INHBA: variants seen among roughly 807,000 people sequenced by gnomAD.
The protein encoded by INHBA is inhibin subunit beta A.
A neutral mutation model predicts 29.0 loss-of-function variants in INHBA; 1 was observed. The observed-to-expected ratio is 0.03, with a 90% CI of 0.01 to 0.16. INHBA has a LOEUF of 0.16. Ranked by LOEUF, INHBA falls within the 10% of genes least tolerant of loss-of-function variation. The pLI is 1.00. For synonymous variants in INHBA, 242 were observed against 216.8 expected, an observed-to-expected ratio of 1.12 and a Z score of -1.02; for missense variants, 376 against 545.4, an observed-to-expected ratio of 0.69 and a Z score of 3.09.
Position 41,689,845 on chromosome 7 carries a change from G to A in INHBA, c.1086C>T (p.Ser362=), listed in dbSNP as rs149823614. ...GECPSHIAGT[S]GSSLSFHSTV... is the part of the protein sequence containing the mutation. ...TTGAGTGGAAGGACAGTGAGGACCCGGACGTGCCTGCTATATGGCTCGGGC... is the reference window on the plus strand; with the variant it reads ...TTGAGTGGAAGGACAGTGAGGACCCAGACGTGCCTGCTATATGGCTCGGGC... Residue 362 remains serine, a synonymous_variant, in exon 3 of 3, where the codon TCC becomes TCT. Coordinates refer to ENST00000242208, the MANE Select transcript of INHBA (RefSeq NM_002192.4). 788 of 1,614,092 alleles carry A rather than the reference G, an allele frequency of 4.9e-4. 8 individuals are homozygous for A. In the African/African-American group the frequency reaches 8.1e-3, roughly 17 times the overall value.
chr7:41,704,441 C>T (rs925133096), upstream of INHBA, among the ~76,000 whole-genome samples: 21 of 152,134 alleles, frequency 1.4e-4, no homozygotes, highest in Non-Finnish European at 2.9e-4. Context: ...TCCAAACCTG[C>T]CCCTCAGCTT....
intron 2 of INHBA, among the ~76,000 whole-genome samples, chr7:41,698,914 A>T (rs752258819): frequency 1.3e-5 from 2 of 152,232 alleles, no homozygotes; most frequent in African/African-American, 2.4e-5. Context: ...CTACCAAACA[A>T]AACAATGGCA....
upstream of INHBA, among the ~76,000 whole-genome samples, chr7:41,704,768 G>T (rs1794876522): frequency 6.6e-6 from 1 of 151,962 alleles, no homozygotes; most frequent in Admixed American, 6.6e-5. Context: ...CTATAAAATG[G>T]GATCCATGAT....
Position 41,700,129 on chromosome 7 carries a change from C to A in INHBA, c.246G>T (p.Ala82=), listed in dbSNP as rs772394193. The A allele has an allele frequency of 4.3e-6, 7 of 1,614,008 alleles. No individual in the cohort carries two copies. The highest frequency in any genetic ancestry group is 1.6e-4 in the Middle Eastern group (1 of 6,084). ...GAAGCTTTCTGATCGCGTTCAGAAG[C>A]GCCGCCTTGGGTACCGGCTGGGTGA... ...PDVTQPVPKA[A]LLNAIRKLHV... The change falls in exon 2 of 3, where the codon GCG becomes GCT. Residue 82 remains alanine (A), a synonymous_variant. Coordinates refer to ENST00000242208, the MANE Select transcript of INHBA (RefSeq NM_002192.4).
chr7:41,702,035 C>A (rs751136192), intron 1 of INHBA, among the ~76,000 whole-genome samples: 1 of 152,192 alleles, frequency 6.6e-6, no homozygotes, highest in Non-Finnish European at 1.5e-5. Flanking sequence ...GCAGAAGAAT[C>A]TTTAAGGGGT....
chr7:41,690,594 C>T (rs1473115718), intron 2 of INHBA, 52 bp from the exon 3 acceptor site: 11 of 1,481,206 alleles, frequency 7.4e-6, no homozygotes, highest in Non-Finnish European at 9.8e-6. Context: ...TTAATTCCAA[C>T]ATTTACATGC....
intron 2 of INHBA, 126 bp from the exon 3 acceptor site, chr7:41,690,668 A>C: frequency 8.5e-7 from 1 of 1,183,072 alleles, no homozygotes; most frequent in Non-Finnish European, 1.1e-6. Flanking sequence ...GGGTCAACAA[A>C]TGACAGCCCA....
In INHBA at chr7:41,688,997, T is replaced by C. The variant is rs978349236; in HGVS notation, c.*653A>G. ...ACTTGTTCTCAATTTTTTAATGTTG[T>C]TTGTTTTGTTTTGTTGCAAAAGTGG... On this transcript the variant is annotated 3_prime_UTR_variant, in exon 3 of 3. Coordinates refer to ENST00000242208, the MANE Select transcript of INHBA (RefSeq NM_002192.4). 2 of 232,826 alleles carry C rather than the reference T, an allele frequency of 8.6e-6. No homozygotes were observed. Among genetic ancestry groups the C allele is most frequent in the Admixed American group, 1.1e-4 (2 of 17,752 alleles). 14.4% of individuals were successfully genotyped at this position (232,826 alleles called of 1,614,324 possible).
In INHBA at chr7:41,687,684, T is replaced by G. The variant is rs1394528810; in HGVS notation, c.*1966A>C. 1 of 152,202 alleles carries G rather than the reference T, an allele frequency of 6.6e-6. No individual in the cohort carries two copies. Among genetic ancestry groups the G allele is most frequent in the Non-Finnish European group, 1.5e-5 (1 of 68,032 alleles). The allele number at this position is 152,202 out of a possible 1,614,324, so 9.4% of individuals were successfully genotyped here. On this transcript the variant is annotated 3_prime_UTR_variant, in exon 3 of 3. Coordinates refer to ENST00000242208, the MANE Select transcript of INHBA (RefSeq NM_002192.4). ...TCCTCTTAACTGTTCTCTTCCTTAC[T>G]CTCCCTCTCTTAACACTTTCTCTCA...
rs1794444840 is a variant in INHBA at position 41,689,176 on chromosome 7, C to G, written c.*474G>C. 1 of 232,542 alleles carries G rather than the reference C, an allele frequency of 4.3e-6. No homozygotes were observed. The highest frequency in any genetic ancestry group is 2.2e-5 in the African/African-American group (1 of 44,604). The allele number at this position is 232,542 out of a possible 1,614,324, so 14.4% of individuals were successfully genotyped here. ...CAGAGATAAGTGTCACACAGACATA[C>G]CTTATGACCTGGGTAATTGGGTAGG... On this transcript the variant is annotated 3_prime_UTR_variant, in exon 3 of 3. Transcript: ENST00000242208.
upstream of INHBA, among the ~76,000 whole-genome samples, chr7:41,704,321 A>G (rs982851140): frequency 6.6e-6 from 1 of 151,490 alleles, no homozygotes; most frequent in African/African-American, 2.4e-5. Context: ...GGGAAGGAGT[A>G]TTCTAAGAAC....
chr7:41,693,412 C>T (rs990833628), intron 2 of INHBA, among the ~76,000 whole-genome samples: 3 of 152,128 alleles, frequency 2.0e-5, no homozygotes, highest in Non-Finnish European at 4.4e-5. Context: ...GGTGGGGGTG[C>T]CGAGGGAGGG....
intron 2 of INHBA, chr7:41,692,335 T>C (rs1185070970): frequency 1.3e-5 from 2 of 152,190 alleles, no homozygotes; most frequent in East Asian, 1.9e-4. Context: ...ATTTCTATAG[T>C]TAACGGAAAT....
chr7:41,687,017 A>G lies in INHBA; in HGVS notation c.*2633T>C, dbSNP rs1356919653. 3 of 152,196 alleles carry G rather than the reference A, an allele frequency of 2.0e-5. No homozygotes were observed. Among genetic ancestry groups the G allele is most frequent in the Admixed American group, 2.0e-4 (3 of 15,272 alleles). The allele number at this position is 152,196 out of a possible 1,614,324, so 9.4% of individuals were successfully genotyped here. A position where few individuals can be genotyped will look rare whatever the true frequency, so the allele number is the denominator to read the frequency against. ...CTACTCTTGCCTTAAAACTTTTCTC[A>G]CCACACCCACCTTCCCACATGCATG... is the stretch of plus-strand genomic sequence containing the variant. On this transcript the variant is annotated 3_prime_UTR_variant, in exon 3 of 3. Transcript: ENST00000242208.
rs185961168 is a variant in INHBA at position 41,694,253 on chromosome 7, C to T, written c.389-3711G>A. ...TAGGCTTCAGAAATATATTAAGCCT[C>T]GGAATGTCCTAGGTATGAAAAAGAT... On this transcript the variant is annotated intron_variant, in intron 2 of 2. Transcript: ENST00000242208. Among the ~76,000 whole-genome samples, 154 of 152,162 alleles carry T rather than the reference C, an allele frequency of 1.0e-3. 1 individual carries two copies. Among genetic ancestry groups the T allele is most frequent in the Middle Eastern group, 3.4e-3 (1 of 294 alleles).
At chr7:41,698,983 G>A (rs1347043363) in intron 2 of INHBA, among the ~76,000 whole-genome samples, 1 of 152,218 alleles carries the variant, frequency 6.6e-6, no homozygotes, top group Non-Finnish European at 1.5e-5. Flanking sequence ...TACCATGAAA[G>A]TAACACGGTA....
rs1169570100 is a variant in INHBA at position 41,686,429 on chromosome 7, A to T, written c.*3221T>A. On this transcript the variant is annotated 3_prime_UTR_variant, in exon 3 of 3. Transcript: ENST00000242208. ...GTTTCAAGAAAAAAACATACTACTA[A>T]GAATCCCATATGTTATAATTTAAAG... 1 of 152,164 alleles carries T rather than the reference A, an allele frequency of 6.6e-6. No individual in the cohort carries two copies. Among genetic ancestry groups the T allele is most frequent in the Non-Finnish European group, 1.5e-5 (1 of 68,006 alleles). The allele number at this position is 152,164 out of a possible 1,614,324, so 9.4% of individuals were successfully genotyped here.
At chr7:41,704,611 AGTGTGTGTGTGTGTGTGT>A (rs60031309), upstream of INHBA, among the ~76,000 whole-genome samples, 276 of 101,284 alleles carry the variant, frequency 2.7e-3, 1 homozygote, top group East Asian at 0.014. Flanking sequence ...CACACAAAGT[AGTGTGTGTGTGTGTGTGT>A]GTGTGTGTGT....
rs1794384021 is a variant in INHBA, at chr7:41,685,840, C to G, written c.*3810G>C. ...ATACAGGGTTTAATTTAAACACATA[C>G]AATGTCCACCCCCAAACCTTCTGCC... On this transcript the variant is annotated 3_prime_UTR_variant, in exon 3 of 3. Coordinates refer to ENST00000242208, the MANE Select transcript of INHBA (RefSeq NM_002192.4). The G allele has an allele frequency of 6.6e-6, 1 of 152,164 alleles. No individual in the cohort carries two copies. The highest frequency in any genetic ancestry group is 1.5e-5 in the Non-Finnish European group (1 of 67,996). The allele number at this position is 152,164 out of a possible 1,614,324, so 9.4% of individuals were successfully genotyped here. A position where few individuals can be genotyped will look rare whatever the true frequency, so the allele number is the denominator to read the frequency against.
Sources: allele counts gnomAD v4.1 joint callset (sites outside exome capture counted in the v4.1 genomes callset), GRCh38; gene constraint gnomAD v4.1.1; transcripts MANE v1.5; gene names NCBI Gene and HGNC (gene_info 2026-07-23, HGNC 2026-07-21).